ZNF385D: variants seen among roughly 807,000 people sequenced by gnomAD.
ZNF385D encodes zinc finger protein 659.
ZNF385D carries 15 observed loss-of-function variants against 35.8 expected under a neutral mutation model. That is an observed-to-expected ratio of 0.42 (90% CI 0.28 to 0.64). The LOEUF (loss-of-function observed/expected upper bound fraction) is 0.64. ZNF385D is among the 30% of genes least tolerant of loss of function. ZNF385D has a pLI of 0.23. For missense variants in ZNF385D, 474 were observed against 494.6 expected (o/e 0.96, Z 0.39); for synonymous variants, 212 against 186.8 (o/e 1.13, Z -1.10).
intron 2 of ZNF385D, among the ~76,000 whole-genome samples, chr3:21,575,125 C>A (rs1041628417): frequency 6.6e-6 from 1 of 152,046 alleles, no homozygotes; most frequent in Non-Finnish European, 1.5e-5. Context: ...TTTACAGATA[C>A]GTAAAAATGC....
chr3:22,208,469 G>A (rs1697300849), intron 2 of ZNF385D, among the ~76,000 whole-genome samples: 1 of 151,464 alleles, frequency 6.6e-6, no homozygotes, highest in Admixed American at 6.6e-5. Flanking sequence ...ATGGGTGGGG[G>A]GTTAACCGAG....
chr3:22,188,644 G>A (rs1444006742), intron 2 of ZNF385D, among the ~76,000 whole-genome samples: 1 of 151,990 alleles, frequency 6.6e-6, no homozygotes, highest in African/African-American at 2.4e-5. Context: ...AAGAGATGGG[G>A]TTTCACCGTG....
chr3:22,305,197 T>C (rs1703137789), intron 2 of ZNF385D, among the ~76,000 whole-genome samples: 1 of 152,164 alleles, frequency 6.6e-6, no homozygotes, highest in Non-Finnish European at 1.5e-5. Context: ...AAGCAGATGG[T>C]TTCTAAATGT....
chr3:22,012,445 A>T (rs571565299), intron 3 of ZNF385D, among the ~76,000 whole-genome samples: 2 of 152,162 alleles, frequency 1.3e-5, no homozygotes, highest in Middle Eastern at 6.8e-3. Context: ...TGCTCAAAAC[A>T]TTTCTCTCTC....
intron 2 of ZNF385D, among the ~76,000 whole-genome samples, chr3:22,348,485 T>TAAAAAAAAAAAAAAAAAAAAAAAAAAAAA (rs1168729541): frequency 8.2e-5 from 7 of 84,872 alleles, no homozygotes; most frequent in Admixed American, 1.3e-4. Flanking sequence ...CCATCTCTAC[T>TAAAAAAAAAAAAAAAAAAAAAAAAAAAAA]AAAAAAAAAA....
intron 3 of ZNF385D, among the ~76,000 whole-genome samples, chr3:22,074,560 C>T (rs772700923): frequency 1.6e-4 from 25 of 151,926 alleles, no homozygotes; most frequent in Non-Finnish European, 3.1e-4. Context: ...TTTTAAAATT[C>T]CTGATTCAAA....
intron 3 of ZNF385D, among the ~76,000 whole-genome samples, chr3:22,146,141 AGGATTAATTAGTCTAAGAG>A (rs869098159): frequency 4.6e-5 from 7 of 152,352 alleles, no homozygotes; most frequent in African/African-American, 1.7e-4. Flanking sequence ...ATTCGAAGAA[AGGATTAATTAGTCTAAGAG>A]GGAACCATCT....
rs567588670 is a variant in ZNF385D at position 22,198,756 on chromosome 3, C to G, written c.107-29721G>C. Among the ~76,000 whole-genome samples the G allele has an allele frequency of 2.6e-5, 4 of 152,022 alleles. No individual in the cohort carries two copies. In the East Asian group the frequency reaches 7.7e-4, roughly 29 times the overall value. ...ACACATTCACTATAAAATTAAACAACTGAGTAAACAACCTTTCCCCAATCT... is the reference window on the plus strand; with the variant it reads ...ACACATTCACTATAAAATTAAACAAGTGAGTAAACAACCTTTCCCCAATCT... On this transcript the variant is annotated intron_variant, in intron 2 of 5. Coordinates refer to the ZNF385D transcript ENST00000494108.
At chr3:21,692,127 C>T (rs1286324654) in intron 1 of ZNF385D, among the ~76,000 whole-genome samples, 1 of 152,122 alleles carries the variant, frequency 6.6e-6, no homozygotes, top group Non-Finnish European at 1.5e-5. Context: ...ACCTGTTCAT[C>T]TGTCAATGAA....
chr3:21,849,243 C>T (rs999436761), intron 3 of ZNF385D, among the ~76,000 whole-genome samples: 1 of 151,752 alleles, frequency 6.6e-6, no homozygotes, highest in South Asian at 2.1e-4. Context: ...AACTCTACTT[C>T]ATGCATCTTA....
intron 3 of ZNF385D, among the ~76,000 whole-genome samples, chr3:22,097,478 G>C (rs1394215817): frequency 6.6e-6 from 1 of 152,008 alleles, no homozygotes; most frequent in Non-Finnish European, 1.5e-5. Flanking sequence ...AAGAAATTGA[G>C]AGAAAAGTTA....
At chr3:21,762,843 G>A (rs548790920) in intron 3 of ZNF385D, among the ~76,000 whole-genome samples, 175 of 152,170 alleles carry the variant, frequency 1.2e-3, no homozygotes, top group Non-Finnish European at 2.0e-3. Flanking sequence ...CCAACTTGGG[G>A]CACCTTTTTA....
intron 3 of ZNF385D, among the ~76,000 whole-genome samples, chr3:21,774,255 A>T (rs943803410): frequency 1.1e-4 from 17 of 151,622 alleles, no homozygotes; most frequent in Admixed American, 1.1e-3. Context: ...AACAACACAC[A>T]CGGGGGCCTG....
intron 2 of ZNF385D, among the ~76,000 whole-genome samples, chr3:22,309,822 C>G (rs1443038288): frequency 6.6e-6 from 1 of 151,888 alleles, no homozygotes; most frequent in Non-Finnish European, 1.5e-5. Flanking sequence ...TTTTCACATT[C>G]AGATTACCTT....
Position 21,750,920 on chromosome 3 carries a change from T to C in ZNF385D, c.-4A>G. ...CAAAATACATTATGTTTCTCATTAA[T>C]CAGACAGCTGGAATCCCACCGCGGT... is the stretch of plus-strand genomic sequence containing the variant. On this transcript the variant is annotated 5_prime_UTR_variant, in exon 1 of 8. Coordinates refer to ENST00000281523, the MANE Select transcript of ZNF385D (RefSeq NM_024697.3). 1.2e-6 allele frequency: 2 copies of C among 1,614,180 alleles called. No homozygotes were observed. Among genetic ancestry groups the C allele is most frequent in the Non-Finnish European group, 1.7e-6 (2 of 1,180,024 alleles).
chr3:22,115,271 G>C (rs1415817738), intron 3 of ZNF385D, among the ~76,000 whole-genome samples: 1 of 152,076 alleles, frequency 6.6e-6, no homozygotes, highest in Non-Finnish European at 1.5e-5. Flanking sequence ...ATTACATAGA[G>C]AAAATTGAAA....
At chr3:22,202,976 A>T (rs1404146102) in intron 2 of ZNF385D, among the ~76,000 whole-genome samples, 5 of 152,086 alleles carry the variant, frequency 3.3e-5, no homozygotes, top group Non-Finnish European at 7.4e-5. Flanking sequence ...CAAAAATTGT[A>T]ACTCCTAGGC....
rs145922533 is a variant in ZNF385D at position 21,595,969 on chromosome 3, T to A, written c.166-31285A>T. 1.6e-4 allele frequency among the ~76,000 whole-genome samples: 25 copies of A among 152,346 alleles called. No homozygotes were observed. In the East Asian group the frequency reaches 4.8e-3, roughly 29 times the overall value. ...AAAAAGCACAATACCTAATGCTTAC[T>A]TAAGTCTCTTTAATCTAGAAGCACA... On this transcript the variant is annotated intron_variant, in intron 2 of 7. Coordinates refer to ENST00000281523, the MANE Select transcript of ZNF385D (RefSeq NM_024697.3).
intron 3 of ZNF385D, among the ~76,000 whole-genome samples, chr3:21,909,352 T>C (rs1049905604): frequency 6.6e-5 from 10 of 152,024 alleles, no homozygotes; most frequent in African/African-American, 2.4e-4. Context: ...CTCTCATGGC[T>C]GAGAATTTGG....
Sources: allele counts gnomAD v4.1 joint callset (sites outside exome capture counted in the v4.1 genomes callset), GRCh38; gene constraint gnomAD v4.1.1; transcripts MANE v1.5; gene names NCBI Gene and HGNC (gene_info 2026-07-23, HGNC 2026-07-21).